Variants in LIPA observed in about 807,000 individuals in gnomAD.
The protein encoded by LIPA is lysosomal acid lipase/cholesteryl ester hydrolase.
Under a neutral mutation model 40.6 loss-of-function variants are expected in LIPA, and 26 were observed. That is an observed-to-expected ratio of 0.64 (90% confidence interval 0.47 to 0.89). LIPA has a LOEUF of 0.89. Among genes scored for constraint, LIPA ranks in the 40% least tolerant of loss-of-function variants. The pLI is 0.00. For synonymous variants in LIPA, 188 were observed against 168.4 expected (o/e 1.12, Z -0.90); for missense variants, 455 against 479.6 (o/e 0.95, Z 0.48).
chr10:89,413,098 C>T (rs969379563), intron 1 of LIPA, among the ~76,000 whole-genome samples: 3 of 152,184 alleles, frequency 2.0e-5, no homozygotes, highest in Non-Finnish European at 2.9e-5. Flanking sequence ...CAAGTGAGAA[C>T]ATGCAGTGTT....
At chr10:89,412,509 A>C (rs555172579) in intron 2 of LIPA, 75 of 182,286 alleles carry the variant, frequency 4.1e-4, no homozygotes, top group South Asian at 7.2e-4. Flanking sequence ...AGGCCACCCC[A>C]GCCAGCAGCG....
At chr10:89,292,825 T>A (rs1843382379) in intron 1 of LIPA, among the ~76,000 whole-genome samples, 2 of 150,850 alleles carry the variant, frequency 1.3e-5, no homozygotes, top group Admixed American at 6.7e-5. Flanking sequence ...TTTTTTTTTT[T>A]AATTGTAGAG....
intron 8 of LIPA, among the ~76,000 whole-genome samples, chr10:89,220,416 C>T (rs898845517): frequency 2.6e-5 from 4 of 152,146 alleles, no homozygotes; most frequent in Non-Finnish European, 5.9e-5. Context: ...TAGGGGAATT[C>T]TAGTGACAGG....
chr10:89,255,457 G>A (rs1843176219), upstream of LIPA, among the ~76,000 whole-genome samples: 1 of 152,154 alleles, frequency 6.6e-6, no homozygotes, highest in Non-Finnish European at 1.5e-5. Context: ...CACAACATGT[G>A]GGCATTATGG....
intron 1 of LIPA, among the ~76,000 whole-genome samples, chr10:89,257,834 G>A (rs1843188490): frequency 6.6e-6 from 1 of 152,242 alleles, no homozygotes; most frequent in Non-Finnish European, 1.5e-5. Flanking sequence ...GAGAGAGGCT[G>A]TGGCGAGCTG....
intron 2 of LIPA, among the ~76,000 whole-genome samples, chr10:89,391,333 C>A (rs556659253): frequency 6.6e-6 from 1 of 152,210 alleles, no homozygotes; most frequent in East Asian, 1.9e-4. Context: ...CCCACCTCAG[C>A]CTCCTGAGTA....
intron 1 of LIPA, among the ~76,000 whole-genome samples, chr10:89,342,261 C>T (rs1275731012): frequency 6.6e-6 from 1 of 152,148 alleles, no homozygotes; most frequent in Non-Finnish European, 1.5e-5. Context: ...CACAGATGAT[C>T]ACCCTTAAGA....
chr10:89,352,177 C>G (rs1589619271), intron 2 of LIPA, among the ~76,000 whole-genome samples: 1 of 152,174 alleles, frequency 6.6e-6, no homozygotes, highest in African/African-American at 2.4e-5. Flanking sequence ...CTGCTCGACT[C>G]CCCCTCCCTC....
At chr10:89,403,471 T>C in intron 2 of LIPA, 1 of 1,612,900 alleles carries the variant, frequency 6.2e-7, no homozygotes, top group Non-Finnish European at 8.5e-7. Context: ...GTCAATGCAA[T>C]TATCCATTAT....
At chr10:89,367,695 C>T (rs1206677135) in intron 2 of LIPA, among the ~76,000 whole-genome samples, 1 of 152,166 alleles carries the variant, frequency 6.6e-6, no homozygotes, top group African/African-American at 2.4e-5. Flanking sequence ...TCCCTAGTAA[C>T]CAGCACCTAT....
chr10:89,259,215 T>G (rs1190586626), intron 1 of LIPA, among the ~76,000 whole-genome samples: 1 of 152,224 alleles, frequency 6.6e-6, no homozygotes, highest in Non-Finnish European at 1.5e-5. Flanking sequence ...TTTAACTTTA[T>G]AAAATGATTT....
chr10:89,265,436 G>A (rs1019176641), intron 1 of LIPA, among the ~76,000 whole-genome samples: 5 of 152,196 alleles, frequency 3.3e-5, no homozygotes, highest in African/African-American at 9.7e-5. Context: ...CAGATGGGCC[G>A]CTGCTGCCAT....
At chr10:89,234,436 G>C (rs1842880123) in intron 3 of LIPA, among the ~76,000 whole-genome samples, 1 of 152,234 alleles carries the variant, frequency 6.6e-6, no homozygotes, top group African/African-American at 2.4e-5. Context: ...AACTTCTAGA[G>C]ATGGCAGTTC....
chr10:89,240,789 A>G (rs944178774), intron 3 of LIPA, among the ~76,000 whole-genome samples: 2 of 152,170 alleles, frequency 1.3e-5, no homozygotes, highest in Non-Finnish European at 2.9e-5. Flanking sequence ...CTAGGAGCCC[A>G]GGAGTAGGAA....
chr10:89,381,408 A>G (rs555212571), intron 2 of LIPA, among the ~76,000 whole-genome samples: 24 of 152,280 alleles, frequency 1.6e-4, no homozygotes, highest in African/African-American at 5.8e-4. Flanking sequence ...TATGTCCCAC[A>G]CACACCCCCA....
chr10:89,347,036 C>G (rs1186347104), upstream of LIPA, among the ~76,000 whole-genome samples: 1 of 152,144 alleles, frequency 6.6e-6, no homozygotes, highest in Non-Finnish European at 1.5e-5. Flanking sequence ...TCAGGGTCTC[C>G]AAGACTACCC....
chr10:89,388,249 G>A (rs1445014392), intron 2 of LIPA, among the ~76,000 whole-genome samples: 1 of 152,160 alleles, frequency 6.6e-6, no homozygotes, highest in African/African-American at 2.4e-5. Context: ...GGGATTACAG[G>A]TGGGTGCCAC....
intron 2 of LIPA, among the ~76,000 whole-genome samples, chr10:89,371,286 T>A (rs1242042352): frequency 6.6e-6 from 1 of 152,206 alleles, no homozygotes; most frequent in Admixed American, 6.5e-5. Context: ...TTAAGACATA[T>A]GGGTTAACAA....
At chr10:89,250,494 T>C (rs1426080355) in intron 1 of LIPA, among the ~76,000 whole-genome samples, 1 of 152,166 alleles carries the variant, frequency 6.6e-6, no homozygotes, top group African/African-American at 2.4e-5. Context: ...TACTTCTTCA[T>C]GATAGGAAGG....
Sources: allele counts gnomAD v4.1 joint callset (sites outside exome capture counted in the v4.1 genomes callset), GRCh38; gene constraint gnomAD v4.1.1; transcripts MANE v1.5; gene names NCBI Gene and HGNC (gene_info 2026-07-23, HGNC 2026-07-21).